Variants in BICRAL observed in about 807,000 individuals in gnomAD.
BICRAL encodes BICRA like chromatin remodeling complex associated protein.
A neutral mutation model predicts 91.8 loss-of-function variants in BICRAL; 8 were observed. That is an observed-to-expected ratio of 0.09 (90% CI 0.05 to 0.16). The LOEUF (loss-of-function observed/expected upper bound fraction) is 0.16, where lower values mean the gene tolerates loss of function less well. Among genes scored for constraint, BICRAL ranks in the 10% least tolerant of loss-of-function variants. The pLI, the probability that BICRAL is intolerant of heterozygous loss-of-function variation, is 1.00. For missense variants in BICRAL, 1,038 were observed against 1,310.9 expected (o/e 0.79, Z 3.21); for synonymous variants, 445 against 491.1 (o/e 0.91, Z 1.24).
Position 42,862,605 on chromosome 6 carries a change from A to G in BICRAL, c.2445A>G (p.Val815=). The G allele has an allele frequency of 6.3e-7, 1 of 1,584,774 alleles. No individual in the cohort carries two copies. Among genetic ancestry groups the G allele is most frequent in the African/African-American group, 1.3e-5 (1 of 74,440 alleles). The stretch of plus-strand genomic sequence containing the variant: ...CCCGAGACAAGCGTTTGGCACTTGT[A>G]GACCCTGGTAAGAAACATCGCAGTG... ...SLSRDKRLAL[V]DPEGFQADFC... is the part of the protein sequence containing the mutation. The change falls in exon 12 of 13, where the codon GTA becomes GTG. Residue 815 remains valine, a synonymous_variant. Coordinates refer to ENST00000314073, the MANE Select transcript of BICRAL (RefSeq NM_001393499.1).
chr6:42,822,557 T>C (rs1764171315), intron 3 of BICRAL, among the ~76,000 whole-genome samples: 1 of 151,804 alleles, frequency 6.6e-6, no homozygotes, highest in Non-Finnish European at 1.5e-5. Context: ...CAAGTAATTA[T>C]TTATTAAATT....
chr6:42,862,462 C>T, intron 11 of BICRAL, 48 bp from the exon 12 acceptor site: 1 of 1,249,102 alleles, frequency 8.0e-7, no homozygotes, highest in Non-Finnish European at 1.2e-6. Context: ...CAAAAGCAAC[C>T]ATTTTTTAAA....
intron 6 of BICRAL, among the ~76,000 whole-genome samples, chr6:42,834,721 GC>G (rs1191218487): frequency 1.3e-5 from 2 of 152,112 alleles, no homozygotes; most frequent in East Asian, 1.9e-4. Flanking sequence ...GCAAGTGGGT[GC>G]CCCTCCAAAT....
intron 1 of BICRAL, among the ~76,000 whole-genome samples, chr6:42,785,562 C>CAAAAA (rs5875817): frequency 1.6e-5 from 2 of 126,854 alleles, no homozygotes; most frequent in African/African-American, 2.9e-5. Flanking sequence ...ACTCCCATCT[C>CAAAAA]AAAAAAAAAA....
At chr6:42,754,206 C>T (rs111356786) in intron 1 of BICRAL, among the ~76,000 whole-genome samples, 2 of 149,858 alleles carry the variant, frequency 1.3e-5, no homozygotes, top group African/African-American at 2.5e-5. Context: ...GAGTCTTGCT[C>T]TGTTGCCCAG....
intron 1 of BICRAL, among the ~76,000 whole-genome samples, chr6:42,801,804 AC>A (rs1344494355): frequency 6.6e-6 from 1 of 151,608 alleles, no homozygotes; most frequent in African/African-American, 2.4e-5. Flanking sequence ...ATCTGCTTGA[AC>A]CCAGGAGGCC....
chr6:42,814,422 TATA>T (rs1372995258), intron 2 of BICRAL, among the ~76,000 whole-genome samples: 1 of 144,556 alleles, frequency 6.9e-6, no homozygotes, highest in Non-Finnish European at 1.5e-5. Context: ...TATACATACA[TATA>T]TATACACATA....
chr6:42,858,008 A>C (rs566497135), intron 10 of BICRAL, among the ~76,000 whole-genome samples: 1 of 148,684 alleles, frequency 6.7e-6, no homozygotes, highest in South Asian at 2.2e-4. Flanking sequence ...ATGGGGTTTC[A>C]CCATGTTGGC....
intron 1 of BICRAL, among the ~76,000 whole-genome samples, chr6:42,775,038 T>G (rs539484485): frequency 6.6e-6 from 1 of 152,142 alleles, no homozygotes; most frequent in South Asian, 2.1e-4. Context: ...GTTCAAGCGA[T>G]TCTCCTGTCT....
chr6:42,747,404 G>C (rs1762296260), intron 1 of BICRAL, among the ~76,000 whole-genome samples: 1 of 152,182 alleles, frequency 6.6e-6, no homozygotes. Context: ...AACGACCCAA[G>C]AAACTTGAAA....
intron 2 of BICRAL, among the ~76,000 whole-genome samples, chr6:42,811,256 C>G (rs1399672592): frequency 6.6e-6 from 1 of 152,196 alleles, no homozygotes; most frequent in African/African-American, 2.4e-5. Context: ...CTTACCATAG[C>G]TCAGGGGAGG....
chr6:42,801,573 T>G (rs1227094391), intron 1 of BICRAL, among the ~76,000 whole-genome samples: 1 of 152,148 alleles, frequency 6.6e-6, no homozygotes, highest in African/African-American at 2.4e-5. Flanking sequence ...GTATTGCTTT[T>G]ATTTCATTTA....
intron 12 of BICRAL, 47 bp downstream of exon 12, chr6:42,862,659 C>A: frequency 8.8e-7 from 1 of 1,130,626 alleles, no homozygotes; most frequent in South Asian, 1.2e-5. Flanking sequence ...TGCCATGGTT[C>A]AGGGACCATG....
rs189983626 is a variant in BICRAL, at chr6:42,772,340, G to A, written c.-260-9499G>A. Among the ~76,000 whole-genome samples the A allele has an allele frequency of 3.5e-3, 534 of 152,238 alleles. 1 individual carries two copies. The highest frequency in any genetic ancestry group is 0.012 in the African/African-American group (519 of 41,540). ...TTTGAAAGCCACTGAGTTAGGCGAC[G>A]GGAGAAGGCTTCCCAGAGGAGGTGG... is the stretch of plus-strand genomic sequence containing the variant. On this transcript the variant is annotated intron_variant, in intron 1 of 14. Transcript: ENST00000614467.
intron 1 of BICRAL, among the ~76,000 whole-genome samples, chr6:42,759,994 C>T (rs935735638): frequency 1.7e-4 from 26 of 152,086 alleles, no homozygotes; most frequent in African/African-American, 6.0e-4. Context: ...CCTGTAATCC[C>T]AGCACTTTGG....
At chr6:42,858,036 C>G (rs1002649472) in intron 10 of BICRAL, among the ~76,000 whole-genome samples, 1 of 148,464 alleles carries the variant, frequency 6.7e-6, no homozygotes, top group Non-Finnish European at 1.5e-5. Context: ...GTCTTGAACT[C>G]CTGACCTCAG....
chr6:42,772,685 G>C (rs1328984652), intron 1 of BICRAL, among the ~76,000 whole-genome samples: 1 of 152,166 alleles, frequency 6.6e-6, no homozygotes, highest in Non-Finnish European at 1.5e-5. Flanking sequence ...GTGAGGTGCT[G>C]ATGAAGGTGT....
chr6:42,751,514 C>G (rs1363611787), intron 1 of BICRAL, among the ~76,000 whole-genome samples: 1 of 152,022 alleles, frequency 6.6e-6, no homozygotes, highest in East Asian at 1.9e-4. Flanking sequence ...AGCATTTAAG[C>G]AAAGGAAAAC....
chr6:42,790,569 CT>C (rs1763243350), intron 1 of BICRAL, among the ~76,000 whole-genome samples: 1 of 150,488 alleles, frequency 6.6e-6, no homozygotes, highest in Admixed American at 6.7e-5. Flanking sequence ...TTTGAGTCTG[CT>C]GTCATTCCCT....
Sources: gnomAD v4.1 joint callset for allele counts (sites outside exome capture counted in the v4.1 genomes callset) on GRCh38, gnomAD v4.1.1 for gene constraint, MANE v1.5 for transcripts, NCBI Gene and HGNC (gene_info 2026-07-23, HGNC 2026-07-21) for gene names.